The following NRDC variants were observed in gnomAD, a reference collection of about 807,000 sequenced individuals.
NRDC encodes the protein nardilysin convertase, also known as nardilysin.
Under a neutral mutation model 147.1 loss-of-function variants are expected in NRDC, and 54 were observed. The observed-to-expected ratio is 0.37, with a 90% confidence interval of 0.29 to 0.46. The LOEUF (loss-of-function observed/expected upper bound fraction) is 0.46. NRDC is among the 20% of genes least tolerant of loss of function. NRDC has a pLI of 1.00. For synonymous variants in NRDC, 440 were observed against 482.1 expected, an observed-to-expected ratio of 0.91 and a Z score of 1.14; for missense variants, 1,082 against 1,370.6, an observed-to-expected ratio of 0.79 and a Z score of 3.33.
chr1:51,813,986 C>A, intron 14 of NRDC, 49 bp downstream of exon 14: 1 of 1,201,848 alleles, frequency 8.3e-7, no homozygotes, highest in Non-Finnish European at 1.2e-6. Context: ...TCTACACCAG[C>A]TTCAACTCAG....
intron 1 of NRDC, among the ~76,000 whole-genome samples, chr1:51,844,718 T>G (rs1268998561): frequency 7.0e-6 from 1 of 143,134 alleles, no homozygotes; most frequent in Non-Finnish European, 1.5e-5. Context: ...CACTCCAGCC[T>G]GGGCGACAGA....
At chr1:51,847,844 C>T (rs1055586670) in intron 1 of NRDC, among the ~76,000 whole-genome samples, 18 of 152,246 alleles carry the variant, frequency 1.2e-4, no homozygotes, top group Non-Finnish European at 2.4e-4. Flanking sequence ...AAGAGCCCCT[C>T]AAGCACAGCC....
chr1:51,854,110 C>G (rs1268779140), intron 1 of NRDC, among the ~76,000 whole-genome samples: 1 of 152,220 alleles, frequency 6.6e-6, no homozygotes, highest in African/African-American at 2.4e-5. Context: ...TGGCTCACAC[C>G]TGTAATCCCA....
intron 20 of NRDC, 36 bp downstream of exon 20, chr1:51,803,778 T>C (rs1358379537): frequency 6.5e-7 from 1 of 1,546,066 alleles, no homozygotes; most frequent in Admixed American, 1.9e-5. Flanking sequence ...GGTATTTTAA[T>C]GCTCTCTATA....
At chr1:51,799,960 T>C (rs891047560) in intron 21 of NRDC, among the ~76,000 whole-genome samples, 2 of 152,184 alleles carry the variant, frequency 1.3e-5, no homozygotes, top group Non-Finnish European at 2.9e-5. Context: ...CAGTAAATAC[T>C]TCTTCTGGTT....
At chr1:51,804,081 A>G in intron 19 of NRDC, 117 bp from the exon 20 acceptor site, 2 of 843,726 alleles carry the variant, frequency 2.4e-6, no homozygotes, top group Non-Finnish European at 3.5e-6. Context: ...TCTCTACTCC[A>G]GAATGTAAAA....
rs2273198 is a variant in NRDC, at chr1:51,800,678, C to T, written c.2319G>A (p.Leu773=). 53,380 of 1,611,502 alleles carry T rather than the reference C, an allele frequency of 0.033. 1,550 individuals are homozygous for T. The highest frequency in any genetic ancestry group is 0.12 in the Middle Eastern group (699 of 6,038). ...VKGFNHKLPL[L]FQLIIDYLAE... is the part of the protein sequence containing the mutation. ...CTAAGTAGTCAATAATGAGCTGAAA[C>T]AGTAGCTAAAAGAAAAAGAAGGAAG... Residue 773 remains leucine (L), a synonymous_variant, in exon 21 of 31, where the codon CTG becomes CTA. Transcript: ENST00000352171.
At chr1:51,847,364 C>T (rs1186547584) in intron 1 of NRDC, among the ~76,000 whole-genome samples, 1 of 152,260 alleles carries the variant, frequency 6.6e-6, no homozygotes, top group Non-Finnish European at 1.5e-5. Flanking sequence ...CTGCCAATCC[C>T]CTGCCTTGCG....
chr1:51,862,201 G>C (rs1682574775), intron 1 of NRDC: 1 of 152,114 alleles, frequency 6.6e-6, no homozygotes, highest in Non-Finnish European at 1.5e-5. Context: ...GCTTGGGTTA[G>C]CAGTTTTAGA....
At chr1:51,791,462 G>T in intron 27 of NRDC, 116 bp downstream of exon 27, 1 of 791,558 alleles carries the variant, frequency 1.3e-6, no homozygotes, top group Non-Finnish European at 2.2e-6. Context: ...AGCTTCCACT[G>T]ACTAAATAGA....
Position 51,794,504 on chromosome 1 carries a change from C to T in NRDC, c.2743G>A (p.Asp915Asn), listed in dbSNP as rs1436302952. The T allele has an allele frequency of 2.5e-6, 4 of 1,614,078 alleles. No individual in the cohort carries two copies. Among genetic ancestry groups the T allele is most frequent in the Non-Finnish European group, 3.4e-6 (4 of 1,180,030 alleles). Residue 915 changes from aspartate (D) to asparagine (N), a missense_variant, in exon 24 of 31, where the codon GAT (aspartate) becomes AAT (asparagine). Transcript: ENST00000352171. Reference protein sequence around the residue: ...LCKVKALNKGDANSEVTVYYQ... With the variant: ...LCKVKALNKGNANSEVTVYYQ... ...TACACAGTGACTTCAGAGTTGGCAT[C>T]ACCCTTGTTCAGAGCTTTCACTTTG... is the stretch of plus-strand genomic sequence containing the variant.
At chr1:51,816,540 G>A (rs1360725464) in intron 10 of NRDC, 151 bp from the exon 11 acceptor site, 5 of 416,106 alleles carry the variant, frequency 1.2e-5, no homozygotes, top group Non-Finnish European at 2.2e-5. Flanking sequence ...TAATTTAGTA[G>A]CAGGAAGATA....
chr1:51,870,054 T>C (rs1429272242), intron 1 of NRDC, among the ~76,000 whole-genome samples: 1 of 152,196 alleles, frequency 6.6e-6, no homozygotes, highest in African/African-American at 2.4e-5. Flanking sequence ...AGCTTCAGAA[T>C]ACAATTTTAA....
intron 9 of NRDC, 96 bp downstream of exon 9, chr1:51,819,703 TG>T (rs1680127655): frequency 1.1e-6 from 1 of 930,372 alleles, no homozygotes; most frequent in African/African-American, 1.7e-5. Flanking sequence ...TATTTTCTGT[TG>T]TGTTCTCATT....
chr1:51,811,410 A>C (rs1489412148), intron 15 of NRDC, among the ~76,000 whole-genome samples: 2 of 152,170 alleles, frequency 1.3e-5, no homozygotes, highest in African/African-American at 4.8e-5. Flanking sequence ...TGTGACAACC[A>C]AAATGTCTCC....
intron 1 of NRDC, among the ~76,000 whole-genome samples, chr1:51,855,609 G>A (rs1019092263): frequency 1.3e-5 from 2 of 151,918 alleles, no homozygotes; most frequent in African/African-American, 4.8e-5. Flanking sequence ...ACATGTAAGA[G>A]TTCCTTCAAA....
At chr1:51,792,247 G>T in intron 25 of NRDC, 130 bp downstream of exon 25, 1 of 1,325,100 alleles carries the variant, frequency 7.5e-7, no homozygotes, top group Non-Finnish European at 1.1e-6. Flanking sequence ...GGTGAGAACA[G>T]TAAATGACCA....
At chr1:51,847,355 T>C (rs1163820682) in intron 1 of NRDC, among the ~76,000 whole-genome samples, 1 of 152,256 alleles carries the variant, frequency 6.6e-6, no homozygotes, top group African/African-American at 2.4e-5. Flanking sequence ...TGGAACTGCC[T>C]GCCAATCCCC....
intron 1 of NRDC, among the ~76,000 whole-genome samples, chr1:51,848,484 A>AAAT (rs764980061): frequency 1.1e-3 from 162 of 152,040 alleles, no homozygotes; most frequent in South Asian, 2.7e-3. Context: ...CCGTCTCAAA[A>AAAT]AATAATAATA....
Sources: allele counts gnomAD v4.1 joint callset (sites outside exome capture counted in the v4.1 genomes callset), GRCh38; gene constraint gnomAD v4.1.1; transcripts MANE v1.5; gene names NCBI Gene and HGNC (gene_info 2026-07-23, HGNC 2026-07-21).